Variants in TLK1 observed in about 807,000 individuals in gnomAD.
TLK1 encodes serine/threonine-protein kinase tousled-like 1.
In TLK1, 24 loss-of-function variants were observed where a neutral mutation model predicts 105.3. The observed-to-expected ratio is 0.23, with a 90% CI of 0.17 to 0.32. The LOEUF (loss-of-function observed/expected upper bound fraction) is 0.32, where lower values mean the gene tolerates loss of function less well. Ranked by LOEUF, TLK1 falls within the 10% of genes least tolerant of loss-of-function variation. TLK1 has a pLI of 1.00. For missense variants in TLK1, 558 were observed against 910.5 expected (o/e 0.61, Z 4.98); for synonymous variants, 321 against 310.4 (o/e 1.03, Z -0.36).
At chr2:171,002,927 G>A (rs77104852) in intron 18 of TLK1, among the ~76,000 whole-genome samples, 50,221 of 151,666 alleles carry the variant, frequency 0.33, 8,709 homozygotes, top group African/African-American at 0.37. Flanking sequence ...ACAGGCATGA[G>A]CCACCGTGCA....
At chr2:171,042,043 T>C (rs921698127) in intron 11 of TLK1, among the ~76,000 whole-genome samples, 5 of 152,344 alleles carry the variant, frequency 3.3e-5, no homozygotes, top group Admixed American at 2.6e-4. Flanking sequence ...CAAATTGCCA[T>C]GTAGTACCCA....
intron 2 of TLK1, among the ~76,000 whole-genome samples, chr2:171,110,008 C>G (rs1690091456): frequency 6.6e-6 from 1 of 152,100 alleles, no homozygotes. Flanking sequence ...TGGAAAGGGG[C>G]AGAAGAAAAC....
intron 2 of TLK1, among the ~76,000 whole-genome samples, chr2:171,087,669 T>C (rs1283401110): frequency 1.3e-5 from 2 of 152,136 alleles, no homozygotes; most frequent in African/African-American, 4.8e-5. Context: ...ACGCACATCA[T>C]AGTCAAACTG....
At chr2:171,177,665 CA>C (rs1271962046) in intron 1 of TLK1, among the ~76,000 whole-genome samples, 2 of 152,138 alleles carry the variant, frequency 1.3e-5, no homozygotes, top group Admixed American at 1.3e-4. Flanking sequence ...AGAAGTACAG[CA>C]ATGTTTAGAC....
intron 11 of TLK1, among the ~76,000 whole-genome samples, chr2:171,037,231 C>T (rs1686396291): frequency 6.6e-6 from 1 of 151,930 alleles, no homozygotes; most frequent in Non-Finnish European, 1.5e-5. Context: ...CACCTGAGGT[C>T]GGGAGTTCAA....
At chr2:171,097,635 G>C (rs1051362194) in intron 2 of TLK1, among the ~76,000 whole-genome samples, 4 of 152,004 alleles carry the variant, frequency 2.6e-5, no homozygotes, top group Non-Finnish European at 4.4e-5. Flanking sequence ...CCTAATTTAA[G>C]AATAGGCGGC....
intron 12 of TLK1, among the ~76,000 whole-genome samples, chr2:171,024,003 G>A (rs1314284261): frequency 6.6e-6 from 1 of 152,120 alleles, no homozygotes; most frequent in African/African-American, 2.4e-5. Flanking sequence ...CATGGGCACA[G>A]GTAGATAAAA....
chr2:171,150,301 A>T (rs1440336189), intron 1 of TLK1, among the ~76,000 whole-genome samples: 1 of 152,252 alleles, frequency 6.6e-6, no homozygotes, highest in Non-Finnish European at 1.5e-5. Flanking sequence ...ATTTAAAAAA[A>T]AGGAGGCTTT....
intron 14 of TLK1, 149 bp downstream of exon 14, chr2:171,011,224 C>A: frequency 1.8e-6 from 1 of 569,826 alleles, no homozygotes; most frequent in Non-Finnish European, 2.8e-6. Context: ...TGGTCTCAAA[C>A]TCCTGGCCTC....
intron 18 of TLK1, among the ~76,000 whole-genome samples, chr2:171,001,632 A>G (rs1036212042): frequency 4.6e-5 from 7 of 152,184 alleles, no homozygotes; most frequent in African/African-American, 1.2e-4. Context: ...GTCCCTTCCT[A>G]CATCAAATCC....
chr2:171,131,049 A>AT (rs1249536738), intron 1 of TLK1, among the ~76,000 whole-genome samples: 2 of 152,066 alleles, frequency 1.3e-5, no homozygotes, highest in Admixed American at 1.3e-4. Flanking sequence ...GTAAACTTAG[A>AT]TAGATACCTA....
intron 3 of TLK1, chr2:171,066,969 G>C (rs1363076484): frequency 6.5e-7 from 1 of 1,537,148 alleles, no homozygotes; most frequent in African/African-American, 1.4e-5. Flanking sequence ...GAAAGTGCTT[G>C]TAATAGTCAA....
rs538862242 is a variant in TLK1, at chr2:171,081,602, A to G, written c.330+1179T>C. On this transcript the variant is annotated intron_variant, in intron 3 of 20. Transcript: ENST00000431350. ...AGTATGTTAATTTTTTAAAAACTAA[A>G]CTGATAATCTGATGCTACAGGGGCT... The G allele has an allele frequency of 1.9e-5, 24 of 1,268,888 alleles. No individual in the cohort carries two copies. In the East Asian group the frequency reaches 1.1e-3, roughly 59 times the overall value. The allele number at this position is 1,268,888 out of a possible 1,614,324, so 78.6% of individuals were successfully genotyped here.
intron 1 of TLK1, among the ~76,000 whole-genome samples, chr2:171,206,357 A>G (rs1222335344): frequency 6.6e-6 from 1 of 152,234 alleles, no homozygotes; most frequent in African/African-American, 2.4e-5. Flanking sequence ...ATGGTGAGAT[A>G]GCCAAATTAT....
intron 12 of TLK1, among the ~76,000 whole-genome samples, chr2:171,024,085 C>G (rs1291662824): frequency 6.6e-6 from 1 of 152,090 alleles, no homozygotes; most frequent in Non-Finnish European, 1.5e-5. Context: ...TTTACAACTA[C>G]AAGCTTTTAT....
chr2:171,219,250 G>A (rs1474998406), intron 1 of TLK1, among the ~76,000 whole-genome samples: 11 of 152,196 alleles, frequency 7.2e-5, no homozygotes, highest in Admixed American at 6.5e-4. Context: ...CTCCAGGAGA[G>A]TTCATTCCTT....
intron 2 of TLK1, among the ~76,000 whole-genome samples, chr2:171,102,783 T>C (rs1359945474): frequency 1.3e-5 from 2 of 152,198 alleles, no homozygotes; most frequent in Non-Finnish European, 2.9e-5. Flanking sequence ...TTCAAAAGTA[T>C]TCATTGAGGG....
At chr2:171,114,194 A>G (rs11686585) in intron 2 of TLK1, among the ~76,000 whole-genome samples, 34,934 of 152,126 alleles carry the variant, frequency 0.23, 4,948 homozygotes, top group Middle Eastern at 0.37. Flanking sequence ...AAAACAAAAT[A>G]AAAAATCAAA....
chr2:171,216,749 T>G (rs1693722129), intron 1 of TLK1, among the ~76,000 whole-genome samples: 1 of 152,174 alleles, frequency 6.6e-6, no homozygotes, highest in Non-Finnish European at 1.5e-5. Context: ...ATAACTGATG[T>G]TCTTAAAAGA....
Sources: gnomAD v4.1 joint callset for allele counts (sites outside exome capture counted in the v4.1 genomes callset) on GRCh38, gnomAD v4.1.1 for gene constraint, MANE v1.5 for transcripts, NCBI Gene and HGNC (gene_info 2026-07-23, HGNC 2026-07-21) for gene names.